The following SRFBP1 variants were observed in gnomAD, a reference collection of about 807,000 sequenced individuals.
SRFBP1 encodes serum response factor binding protein 1.
In SRFBP1, 47 loss-of-function variants were observed where a neutral mutation model predicts 45.5. That is an observed-to-expected ratio of 1.03 (90% CI 0.82 to 1.32). The LOEUF (loss-of-function observed/expected upper bound fraction) is 1.32, where lower values mean the gene tolerates loss of function less well. Among genes scored for constraint, SRFBP1 ranks in the 40% most tolerant of loss-of-function variants. The pLI, the probability that SRFBP1 is intolerant of heterozygous loss-of-function variation, is 0.00. For synonymous variants in SRFBP1, 203 were observed against 166.3 expected, an observed-to-expected ratio of 1.22 and a Z score of -1.70; for missense variants, 621 against 484.6, an observed-to-expected ratio of 1.28 and a Z score of -2.64.
intron 2 of SRFBP1, among the ~76,000 whole-genome samples, chr5:122,043,439 C>T (rs1234011465): frequency 1.3e-5 from 2 of 152,114 alleles, no homozygotes; most frequent in Non-Finnish European, 2.9e-5. Flanking sequence ...TGGTCTCAAA[C>T]TCCTCACCTC....
Position 122,020,315 on chromosome 5 carries a change from G to A in SRFBP1, c.580G>A (p.Gly194Arg). The change falls in exon 6 of 8, where the codon GGA becomes AGA. Residue 194 changes from glycine to arginine, a missense_variant. Gly to Arg is a moderately radical substitution (Grantham distance 125). Transcript: ENST00000339397. Reference protein sequence around the residue: ...SKEKIAKMEHGPKAVTIANSP... With the variant: ...SKEKIAKMEHRPKAVTIANSP... ...GGAAAAAATAGCAAAGATGGAACAT[G>A]GACCTAAAGCAGTGACTATTGCAAA... is the stretch of plus-strand genomic sequence containing the variant. The A allele has an allele frequency of 6.2e-7, 1 of 1,613,218 alleles. No individual in the cohort carries two copies. The highest frequency in any genetic ancestry group is 8.5e-7 in the Non-Finnish European group (1 of 1,179,798).
At chr5:122,056,482 A>T (rs1448194479) in intron 2 of SRFBP1, among the ~76,000 whole-genome samples, 2 of 152,202 alleles carry the variant, frequency 1.3e-5, no homozygotes, top group Admixed American at 1.3e-4. Flanking sequence ...GCCAATAAAC[A>T]TTCCTAACCA....
intron 5 of SRFBP1, 144 bp downstream of exon 5, chr5:122,019,485 A>G: frequency 1.6e-6 from 1 of 631,546 alleles, no homozygotes; most frequent in South Asian, 3.1e-5. Context: ...GTGTCTGAAA[A>G]TACAGAAAGT....
chr5:122,074,422 A>G (rs1260523785), intron 2 of SRFBP1, among the ~76,000 whole-genome samples: 1 of 152,076 alleles, frequency 6.6e-6, no homozygotes, highest in African/African-American at 2.4e-5. Context: ...ATTGTACCCC[A>G]TTTTGTCTTT....
chr5:122,039,795 T>A (rs1486428598), intron 2 of SRFBP1, among the ~76,000 whole-genome samples: 1 of 152,192 alleles, frequency 6.6e-6, no homozygotes, highest in African/African-American at 2.4e-5. Flanking sequence ...TTACTGTAGT[T>A]AGGATTATCC....
intron 5 of SRFBP1, among the ~76,000 whole-genome samples, chr5:122,019,718 A>T (rs1019847037): frequency 1.3e-5 from 2 of 151,494 alleles, no homozygotes; most frequent in African/African-American, 4.8e-5. Flanking sequence ...TTTTTTTGTC[A>T]CATGATACTG....
chr5:122,011,896 G>A (rs1436681174), intron 4 of SRFBP1, among the ~76,000 whole-genome samples: 1 of 152,058 alleles, frequency 6.6e-6, no homozygotes, highest in Non-Finnish European at 1.5e-5. Context: ...ACACTGCCAA[G>A]GGAATAAACC....
chr5:122,069,827 T>G (rs1260143338), intron 2 of SRFBP1: 1 of 517,982 alleles, frequency 1.9e-6, no homozygotes, highest in Non-Finnish European at 3.7e-6. Context: ...GTTTATGTCT[T>G]CTCCTGAAAA....
At chr5:121,985,293 A>G (rs1314239254) in intron 3 of SRFBP1, among the ~76,000 whole-genome samples, 2 of 151,594 alleles carry the variant, frequency 1.3e-5, no homozygotes, top group Non-Finnish European at 3.0e-5. Context: ...AAAAACTTTA[A>G]TTTGTATTGC....
rs576992986 is a variant in SRFBP1 at position 122,017,100 on chromosome 5, G to T, written c.271-2160G>T. Reference sequence around the variant, plus strand: ...AAAAATCAGCTGAGCGTGGTGGCGGGTGCCTGTAGTCCCAGCTACTCGGGA... The same window carrying T: ...AAAAATCAGCTGAGCGTGGTGGCGGTTGCCTGTAGTCCCAGCTACTCGGGA... On this transcript the variant is annotated intron_variant, in intron 4 of 7. Transcript: ENST00000339397. Among the ~76,000 whole-genome samples the T allele has an allele frequency of 2.6e-5, 4 of 152,184 alleles. No homozygotes were observed. The South Asian group carries it at 6.2e-4, about 24-fold the overall frequency.
chr5:121,965,984 GT>G (rs1197959666), intron 1 of SRFBP1, among the ~76,000 whole-genome samples: 1 of 152,074 alleles, frequency 6.6e-6, no homozygotes, highest in African/African-American at 2.4e-5. Context: ...TTGGCTCTCT[GT>G]TTGTCTATTA....
intron 3 of SRFBP1, among the ~76,000 whole-genome samples, chr5:121,992,550 C>T (rs1752640241): frequency 1.3e-5 from 2 of 152,012 alleles, no homozygotes; most frequent in African/African-American, 4.8e-5. Context: ...CAGCAAAGTC[C>T]CTTCTGCCAT....
chr5:122,039,986 A>C (rs1019221219), intron 2 of SRFBP1, among the ~76,000 whole-genome samples: 1 of 152,138 alleles, frequency 6.6e-6, no homozygotes, highest in Admixed American at 6.6e-5. Flanking sequence ...ATTACATTTT[A>C]AACTATTATA....
chr5:122,075,300 A>G (rs1754584132), intron 2 of SRFBP1: 1 of 1,060,064 alleles, frequency 9.4e-7, no homozygotes, highest in African/African-American at 1.6e-5. Context: ...AGTAATAGCA[A>G]TTTTCTCCCT....
At chr5:121,998,004 A>C (rs1752768365) in intron 4 of SRFBP1, among the ~76,000 whole-genome samples, 1 of 151,924 alleles carries the variant, frequency 6.6e-6, no homozygotes, top group Admixed American at 6.6e-5. Context: ...ATCATTAAAA[A>C]GTCAGGAAAC....
intron 4 of SRFBP1, among the ~76,000 whole-genome samples, chr5:122,003,325 A>G (rs1383694355): frequency 6.6e-6 from 1 of 151,516 alleles, no homozygotes; most frequent in Non-Finnish European, 1.5e-5. Context: ...AGCATGGGCA[A>G]GAGTGAGACC....
At chr5:122,063,025 A>G (rs1269752105) in intron 2 of SRFBP1, among the ~76,000 whole-genome samples, 2 of 152,006 alleles carry the variant, frequency 1.3e-5, no homozygotes, top group Non-Finnish European at 2.9e-5. Context: ...TACTTAAAAC[A>G]TCAGCTAGAT....
rs1356930542 is a variant in SRFBP1, at chr5:122,027,827, T to C, written c.*701T>C. The C allele has an allele frequency of 2.6e-5, 4 of 152,200 alleles. No homozygotes were observed. The highest frequency in any genetic ancestry group is 9.6e-5 in the African/African-American group (4 of 41,458). The allele number at this position is 152,200 out of a possible 1,614,324, so 9.4% of individuals were successfully genotyped here. A position where few individuals can be genotyped will look rare whatever the true frequency, so the allele number is the denominator to read the frequency against. Reference sequence around the variant, plus strand: ...GTTGTCTAGGACAATTTTGGGATTCTTAATTATATTTTAGTTAAGAAAATT... The same window carrying C: ...GTTGTCTAGGACAATTTTGGGATTCCTAATTATATTTTAGTTAAGAAAATT... On this transcript the variant is annotated 3_prime_UTR_variant, in exon 8 of 8. Transcript: ENST00000339397.
intron 3 of SRFBP1, among the ~76,000 whole-genome samples, chr5:121,981,580 C>T (rs1386587916): frequency 6.9e-6 from 1 of 144,246 alleles, no homozygotes; most frequent in Non-Finnish European, 1.5e-5. Context: ...TTTTAACCAG[C>T]TAAACTGAAT....
Sources: allele counts gnomAD v4.1 joint callset (sites outside exome capture counted in the v4.1 genomes callset), GRCh38; gene constraint gnomAD v4.1.1; transcripts MANE v1.5; gene names NCBI Gene and HGNC (gene_info 2026-07-23, HGNC 2026-07-21).